MAPK8IP3: variants seen among roughly 807,000 people sequenced by gnomAD.
MAPK8IP3 encodes the protein C-Jun-amino-terminal kinase-interacting protein 3.
MAPK8IP3 carries 49 observed loss-of-function variants against 157.8 expected under a neutral mutation model. The observed-to-expected ratio is 0.31, with a 90% CI of 0.25 to 0.39. The LOEUF is 0.39. Among genes scored for constraint, MAPK8IP3 ranks in the 10% least tolerant of loss-of-function variants. MAPK8IP3 has a pLI of 1.00. For missense variants in MAPK8IP3, 1,478 were observed against 1,889.4 expected, an observed-to-expected ratio of 0.78 and a Z score of 4.04; for synonymous variants, 897 against 777.7, an observed-to-expected ratio of 1.15 and a Z score of -2.55.
rs1482275762 is a variant in MAPK8IP3 at position 1,764,381 on chromosome 16, A to T, written c.2202A>T (p.Pro734=). Reference sequence around the variant, plus strand: ...CTGGGAATGGAGTCAAGCCAGCGCCAGGCCGCGATCCCCTGACCTGCGACC... The same window carrying T: ...CTGGGAATGGAGTCAAGCCAGCGCCTGGCCGCGATCCCCTGACCTGCGACC... ...DDAGNGVKPA[P]GRDPLTCDRE... Residue 734 remains proline (P), a synonymous_variant, in exon 19 of 32, where the codon CCA becomes CCT. Coordinates refer to ENST00000610761, the MANE Select transcript of MAPK8IP3 (RefSeq NM_001318852.2). The T allele has an allele frequency of 1.0e-5, 16 of 1,593,358 alleles. No homozygotes were observed. Among genetic ancestry groups the T allele is most frequent in the Admixed American group, 1.8e-5 (1 of 56,828 alleles).
chr16:1,739,055 CGT>C (rs1489016792), intron 4 of MAPK8IP3, among the ~76,000 whole-genome samples: 42 of 116,996 alleles, frequency 3.6e-4, no homozygotes, highest in Middle Eastern at 7.0e-3. Context: ...TCCGTGTGAG[CGT>C]GTGAGCGTCC....
Position 1,739,346 on chromosome 16 carries a change from ATGTGAGCATCCG to A in MAPK8IP3, c.603-3968_603-3957del, listed in dbSNP as rs1373017694. On this transcript the variant is annotated intron_variant, in intron 4 of 31. Transcript: ENST00000610761. ...CATCCGTGTGAGAGTGTGACCATCC[ATGTGAGCATCCG>A]TGTGAGCATCCGTGTGACCGTCCGT... Among the ~76,000 whole-genome samples the A allele has an allele frequency of 7.4e-4, 68 of 92,486 alleles. No homozygotes were observed. The East Asian group carries it at 0.011, about 15-fold the overall frequency. 60.7% of individuals were successfully genotyped at this position (92,486 alleles called of 152,430 possible). A position where few individuals can be genotyped will look rare whatever the true frequency, so the allele number is the denominator to read the frequency against.
At chr16:1,739,466 G>A (rs369848152) in intron 4 of MAPK8IP3, among the ~76,000 whole-genome samples, 8 of 131,114 alleles carry the variant, frequency 6.1e-5, no homozygotes, top group African/African-American at 9.0e-5. Flanking sequence ...GTGAGCTTCC[G>A]TGTGACCGTC....
chr16:1,760,330 G>A (rs1275851857), intron 11 of MAPK8IP3, 50 bp from the exon 12 acceptor site: 10 of 1,573,924 alleles, frequency 6.4e-6, no homozygotes, highest in African/African-American at 4.1e-5. Context: ...GCCCCTTCAC[G>A]TACCTGTATG....
At position 1,762,685 on chromosome 16, in the gene MAPK8IP3, G is replaced by A; in HGVS notation, c.1681G>A (p.Glu561Lys). The change falls in exon 15 of 32, where the codon GAG becomes AAG. Residue 561 changes from glutamate (E) to lysine (K), a missense_variant. This residue lies in a region of MAPK8IP3 where 669 missense variants were observed against 759.8 expected (regional missense o/e 0.88). Coordinates refer to ENST00000610761, the MANE Select transcript of MAPK8IP3 (RefSeq NM_001318852.2). ...TGCCCTCCCCTGCAGAGCGTCCCGA[G>A]AGCACCCATCCGTCCAGGAGAAGAA... Reference protein sequence around the residue: ...RWTEMIRASREHPSVQEKKKS... With the variant: ...RWTEMIRASRKHPSVQEKKKS... The A allele has an allele frequency of 6.4e-7, 1 of 1,558,994 alleles. No individual in the cohort carries two copies. Among genetic ancestry groups the A allele is most frequent in the Non-Finnish European group, 8.7e-7 (1 of 1,150,220 alleles).
chr16:1,717,994 G>C (rs1401354896), intron 1 of MAPK8IP3, among the ~76,000 whole-genome samples: 2 of 151,794 alleles, frequency 1.3e-5, no homozygotes, highest in Non-Finnish European at 1.5e-5. Context: ...TGGGACTACA[G>C]GCGCCCGCCA....
In MAPK8IP3 at chr16:1,768,861, C is replaced by G; in HGVS notation, c.*37C>G. The G allele has an allele frequency of 6.2e-7, 1 of 1,601,450 alleles. No individual in the cohort carries two copies. On this transcript the variant is annotated 3_prime_UTR_variant, in exon 32 of 32. Transcript: ENST00000610761. ...TGCCTGGCCCGACCTGTACATAGGA[C>G]CCCCGACCACCTGACCCCCGCCCGG... is the stretch of plus-strand genomic sequence containing the variant.
In MAPK8IP3 at chr16:1,768,580, C is replaced by T. The variant is rs200755630; in HGVS notation, c.3846C>T (p.Asn1282=). The change falls in exon 31 of 32, where the codon AAC becomes AAT. Residue 1282 remains asparagine, a synonymous_variant. Coordinates refer to ENST00000610761, the MANE Select transcript of MAPK8IP3 (RefSeq NM_001318852.2). ...AGGTCGAGGGCCAGAAGCTGCGGAA[C>T]GTGCTGGTGCTGAGCGGCGGGGAGG... The part of the protein sequence containing the change: ...ASEVEGQKLR[N]VLVLSGGEGY... 280 of 1,590,968 alleles carry T rather than the reference C, an allele frequency of 1.8e-4. No homozygotes were observed. Among genetic ancestry groups the T allele is most frequent in the African/African-American group, 1.2e-3 (88 of 74,680 alleles).
intron 5 of MAPK8IP3, chr16:1,744,926 TTTG>T (rs2040877623): frequency 1.6e-5 from 16 of 976,348 alleles, no homozygotes; most frequent in South Asian, 4.7e-5. Context: ...TCTTAATTTT[TTTG>T]TTGTTTTTTG....
rs143089039 is a variant in MAPK8IP3, at chr16:1,732,649, A to G, written c.602+3071A>G. Among the ~76,000 whole-genome samples, 464 of 152,318 alleles carry G rather than the reference A, an allele frequency of 3.0e-3. 1 individual carries two copies. The highest frequency in any genetic ancestry group is 5.2e-3 in the Non-Finnish European group (354 of 68,020). ...CCATCTGCCCACCCAGAGCACCATG[A>G]GAACTACGCCAGGGCGTGTGGATGC... On this transcript the variant is annotated intron_variant, in intron 4 of 31. Coordinates refer to ENST00000610761, the MANE Select transcript of MAPK8IP3 (RefSeq NM_001318852.2).
chr16:1,740,082 G>A (rs1269273187), intron 4 of MAPK8IP3, among the ~76,000 whole-genome samples: 3 of 123,510 alleles, frequency 2.4e-5, no homozygotes, highest in Non-Finnish European at 4.9e-5. Flanking sequence ...GTGAGCATCC[G>A]TGTGACCGTC....
At chr16:1,737,258 CCGTGTGAG>C (rs1234634539) in intron 4 of MAPK8IP3, among the ~76,000 whole-genome samples, 2 of 80,216 alleles carry the variant, frequency 2.5e-5, no homozygotes, top group Non-Finnish European at 4.5e-5. Flanking sequence ...GTGTGAGCGT[CCGTGTGAG>C]CGTGTGAGCG....
rs2037439750 is a variant in MAPK8IP3 at position 1,706,960 on chromosome 16, C to T, written c.318+303C>T. 6.6e-6 allele frequency among the ~76,000 whole-genome samples: 1 copy of T among 151,544 alleles called. No individual in the cohort carries two copies. The highest frequency in any genetic ancestry group is 6.6e-5 in the Admixed American group (1 of 15,252). On this transcript the variant is annotated intron_variant, in intron 1 of 31. Transcript: ENST00000610761. The surrounding 1 kb of genome is among the most constrained non-coding windows in gnomAD (Gnocchi z 5.1). ...CAGGCCTGGGCCCTGGCCCCCTCCT[C>T]CGTGCCCCCAGCCCTGAATCTTCAG...
At chr16:1,735,036 A>G (rs541977670) in intron 4 of MAPK8IP3, 28 of 154,024 alleles carry the variant, frequency 1.8e-4, no homozygotes, top group African/African-American at 6.5e-4. Flanking sequence ...ACATTCGCGC[A>G]GTGCACGGCA....
At chr16:1,757,090 G>A (rs1180711739) in intron 8 of MAPK8IP3, among the ~76,000 whole-genome samples, 1 of 152,116 alleles carries the variant, frequency 6.6e-6, no homozygotes, top group Non-Finnish European at 1.5e-5. Context: ...CAGCCGTTTT[G>A]TCATCTAAAT....
chr16:1,739,257 C>T (rs2040417021), intron 4 of MAPK8IP3, among the ~76,000 whole-genome samples: 1 of 98,952 alleles, frequency 1.0e-5, no homozygotes, highest in Non-Finnish European at 1.9e-5. Flanking sequence ...TCCATGTGAG[C>T]ATCTGTGTGA....
chr16:1,764,354 C>T lies in MAPK8IP3; in HGVS notation c.2175C>T (p.Asp725=), dbSNP rs2042132095. 3 of 1,581,492 alleles carry T rather than the reference C, an allele frequency of 1.9e-6. No individual in the cohort carries two copies. Among genetic ancestry groups the T allele is most frequent in the East Asian group, 2.3e-5 (1 of 43,172 alleles). The stretch of plus-strand genomic sequence containing the variant: ...GCGGGTGGAGGCCCAATGAGGACGA[C>T]GCTGGGAATGGAGTCAAGCCAGCGC... ...NLSGWRPNED[D]AGNGVKPAPG... is the part of the protein sequence containing the mutation. The change falls in exon 19 of 32, where the codon GAC becomes GAT. Residue 725 remains aspartate (D), a synonymous_variant. Transcript: ENST00000610761.
At chr16:1,758,227 C>G (rs1453279526) in intron 9 of MAPK8IP3, 68 bp downstream of exon 9, 15 of 1,575,618 alleles carry the variant, frequency 9.5e-6, no homozygotes, top group Non-Finnish European at 1.3e-5. Context: ...CGGGGGATGC[C>G]CCGAGCTATC....
chr16:1,714,478 G>A (rs927529787), intron 1 of MAPK8IP3, among the ~76,000 whole-genome samples: 16 of 152,208 alleles, frequency 1.1e-4, no homozygotes, highest in Non-Finnish European at 8.8e-5. Flanking sequence ...CCTCTCCTCC[G>A]TGTGGTGCGT....
Sources: gnomAD v4.1 joint callset for allele counts (sites outside exome capture counted in the v4.1 genomes callset) on GRCh38, gnomAD v4.1.1 for gene constraint, gnomAD v4.1.1 regional missense constraint, Gnocchi (gnomAD v3.1) non-coding constraint, MANE v1.5 for transcripts, NCBI Gene and HGNC (gene_info 2026-07-23, HGNC 2026-07-21) for gene names.